SYCP1: variants seen among roughly 807,000 people sequenced by gnomAD.
SYCP1 encodes the protein cancer/testis antigen 8.
Under a neutral mutation model 153.1 loss-of-function variants are expected in SYCP1, and 64 were observed. The observed-to-expected ratio is 0.42, with a 90% confidence interval of 0.34 to 0.51. The LOEUF is 0.51. SYCP1 is among the 20% of genes least tolerant of loss of function. SYCP1 has a pLI of 0.06. For missense variants in SYCP1, 997 were observed against 1,049.0 expected, an observed-to-expected ratio of 0.95 and a Z score of 0.68; for synonymous variants, 384 against 341.8, an observed-to-expected ratio of 1.12 and a Z score of -1.36.
intron 20 of SYCP1, among the ~76,000 whole-genome samples, chr1:114,918,577 G>GTA (rs1282055358): frequency 6.6e-6 from 1 of 152,026 alleles, no homozygotes; most frequent in African/African-American, 2.4e-5. Context: ...AGACTGCTTT[G>GTA]GGTAGTACAG....
intron 23 of SYCP1, among the ~76,000 whole-genome samples, chr1:114,942,107 A>G (rs187606982): frequency 2.0e-5 from 3 of 152,242 alleles, no homozygotes; most frequent in East Asian, 3.9e-4. Flanking sequence ...TAGACTTGGT[A>G]TAACTAAAGA....
At chr1:114,985,237 C>A (rs1673422675) in intron 30 of SYCP1, among the ~76,000 whole-genome samples, 1 of 151,824 alleles carries the variant, frequency 6.6e-6, no homozygotes, top group Middle Eastern at 3.2e-3. Context: ...ATTTAGGCGT[C>A]CCCTCTATTT....
chr1:114,923,139 G>A (rs1669007843), intron 20 of SYCP1, among the ~76,000 whole-genome samples: 1 of 152,134 alleles, frequency 6.6e-6, no homozygotes, highest in Non-Finnish European at 1.5e-5. Context: ...AACATTTTAA[G>A]CCATCAATTT....
intron 30 of SYCP1, among the ~76,000 whole-genome samples, chr1:114,987,760 C>G (rs748976284): frequency 4.6e-5 from 7 of 151,206 alleles, no homozygotes; most frequent in Non-Finnish European, 8.9e-5. Flanking sequence ...CAAAACAAAC[C>G]AACAGAAATT....
At chr1:114,886,046 GTATA>G in intron 13 of SYCP1, 75 bp from the exon 14 acceptor site, 2 of 916,908 alleles carry the variant, frequency 2.2e-6, no homozygotes, top group Non-Finnish European at 3.2e-6. Flanking sequence ...GGCAGTGAAT[GTATA>G]GAAGCAGATA....
intron 27 of SYCP1, among the ~76,000 whole-genome samples, chr1:114,973,996 G>A (rs1363300734): frequency 6.6e-6 from 1 of 151,470 alleles, no homozygotes; most frequent in African/African-American, 2.4e-5. Flanking sequence ...TTTGGAAATA[G>A]TATACTTTAT....
intron 30 of SYCP1, among the ~76,000 whole-genome samples, chr1:114,988,213 T>TGG (rs541245512): frequency 4.0e-4 from 58 of 145,920 alleles, no homozygotes; most frequent in Admixed American, 1.2e-3. Context: ...GAGGAAGAGG[T>TGG]GGGGGGGTAG....
rs375930367 is a variant in SYCP1 at position 114,923,452 on chromosome 1, T to C, written c.1722T>C (p.Asn574=). ...TCACTCTTCCATTTTCTTTTAGAAA[T>C]GAACTAGAATATGTGAGAGAAGAGC... ...NLQETETQLR[N]ELEYVREELK... Residue 574 remains asparagine (N), a synonymous_variant, in exon 21 of 32, where the codon AAT becomes AAC. Transcript: ENST00000369522. The C allele has an allele frequency of 4.8e-5, 75 of 1,576,700 alleles. No individual in the cohort carries two copies. Among genetic ancestry groups the C allele is most frequent in the Non-Finnish European group, 6.2e-5 (72 of 1,158,740 alleles).
chr1:114,954,577 T>G (rs1288961454), intron 27 of SYCP1, among the ~76,000 whole-genome samples: 1 of 150,936 alleles, frequency 6.6e-6, no homozygotes, highest in South Asian at 2.1e-4. Context: ...ATTTATTTAT[T>G]TATTTTTTAT....
At chr1:114,857,125 CCT>C in intron 3 of SYCP1, 105 bp from the exon 4 acceptor site, 12 of 731,224 alleles carry the variant, frequency 1.6e-5, no homozygotes, top group East Asian at 3.1e-5. Flanking sequence ...TGCCAGATGT[CCT>C]CTCTCTCTCA....
At chr1:114,909,194 C>T (rs947348486) in intron 16 of SYCP1, among the ~76,000 whole-genome samples, 2 of 151,984 alleles carry the variant, frequency 1.3e-5, no homozygotes, top group Non-Finnish European at 2.9e-5. Context: ...TATGATTTCT[C>T]CTTTATATTC....
intron 8 of SYCP1, among the ~76,000 whole-genome samples, chr1:114,866,902 CTT>C (rs36051645): frequency 3.1e-4 from 43 of 139,544 alleles, no homozygotes; most frequent in Admixed American, 2.1e-4. Context: ...TGTCCAGATT[CTT>C]TTTTTTTTTT....
chr1:114,959,781 T>G (rs1671666392), intron 27 of SYCP1, among the ~76,000 whole-genome samples: 1 of 151,966 alleles, frequency 6.6e-6, no homozygotes, highest in African/African-American at 2.4e-5. Context: ...CTATTCTCTA[T>G]CTCCATGAGT....
intron 20 of SYCP1, among the ~76,000 whole-genome samples, chr1:114,919,917 G>A (rs2101711031): frequency 6.6e-6 from 1 of 151,578 alleles, no homozygotes; most frequent in African/African-American, 2.4e-5. Flanking sequence ...TCTTCCTAAA[G>A]TTTTGTCAAT....
At chr1:114,939,534 A>G (rs763191183) in intron 23 of SYCP1, among the ~76,000 whole-genome samples, 8 of 152,180 alleles carry the variant, frequency 5.3e-5, no homozygotes, top group Non-Finnish European at 1.0e-4. Context: ...TAACCTATAT[A>G]CAAGAGAGTA....
chr1:114,896,700 T>C (rs1667079709), intron 16 of SYCP1, among the ~76,000 whole-genome samples: 1 of 152,244 alleles, frequency 6.6e-6, no homozygotes, highest in African/African-American at 2.4e-5. Flanking sequence ...TGACACTTTG[T>C]AACACTTTAT....
chr1:114,938,612 A>G (rs2101797479), intron 23 of SYCP1, among the ~76,000 whole-genome samples: 1 of 152,260 alleles, frequency 6.6e-6, no homozygotes, highest in East Asian at 1.9e-4. Flanking sequence ...AAGGAAAAAA[A>G]AGAATGAGTG....
chr1:114,970,512 T>G (rs375407156), intron 27 of SYCP1, among the ~76,000 whole-genome samples: 32 of 123,538 alleles, frequency 2.6e-4, no homozygotes, highest in Admixed American at 1.6e-4. Context: ...ACCAGAATTG[T>G]TTTTTTTTTT....
chr1:114,940,287 G>T (rs1670303695), intron 23 of SYCP1, among the ~76,000 whole-genome samples: 1 of 152,008 alleles, frequency 6.6e-6, no homozygotes, highest in African/African-American at 2.4e-5. Context: ...AGTAGAGAAG[G>T]GGTTTCATTA....
Sources: gnomAD v4.1 joint callset for allele counts (sites outside exome capture counted in the v4.1 genomes callset) on GRCh38, gnomAD v4.1.1 for gene constraint, MANE v1.5 for transcripts, NCBI Gene and HGNC (gene_info 2026-07-23, HGNC 2026-07-21) for gene names.